AWAT2: variants seen among roughly 807,000 people sequenced by gnomAD.
The protein encoded by AWAT2 is acyl-CoA wax alcohol acyltransferase 2, also known as 11-cis-RE-synthase.
In AWAT2, 9 loss-of-function variants were observed where a neutral mutation model predicts 22.3. The ratio of observed to expected loss-of-function variants is 0.40; its 90% CI spans 0.24 to 0.70. The LOEUF is 0.70. Ranked by LOEUF, AWAT2 falls within the 30% of genes least tolerant of loss-of-function variation. The pLI is 0.36. For missense variants in AWAT2, 217 were observed against 265.9 expected (o/e 0.82, Z 1.28); for synonymous variants, 100 against 93.4 (o/e 1.07, Z -0.40).
Position 70,043,668 on chromosome X carries a change from A to G in AWAT2, c.282T>C (p.His94=), listed in dbSNP as rs2020345060. 3 of 1,206,478 alleles carry G rather than the reference A, an allele frequency of 2.5e-6. No homozygotes were observed. Among genetic ancestry groups the G allele is most frequent in the Non-Finnish European group, 3.4e-6 (3 of 892,630 alleles). ...DYFPLKLLKT[H]DICPSRNYIL... ...TGTAGTTGCGGCTGGGGCAGATGTCATGAGTCTTCAGAAGCTGCGGAAGAA... is the reference window on the plus strand; with the variant it reads ...TGTAGTTGCGGCTGGGGCAGATGTCGTGAGTCTTCAGAAGCTGCGGAAGAA... Residue 94 remains histidine, a synonymous_variant, in exon 4 of 8, where the codon CAT becomes CAC. Transcript: ENST00000276101.
chrX:70,045,341 T>C (rs181410227), intron 1 of AWAT2, among the ~76,000 whole-genome samples: 45 of 111,841 alleles, frequency 4.0e-4, no homozygotes, highest in African/African-American at 1.3e-3. Flanking sequence ...GGAAAGCAGA[T>C]GGAAGAGTGG....
chrX:70,042,362 G>A lies in AWAT2; in HGVS notation c.672C>T (p.Ala224=), dbSNP rs1360273811. ...GATCATAGAGGTCCGTCTCCCCAAAGGCATAGGCAGGTATTAGAGGCACCC... is the reference window on the plus strand; with the variant it reads ...GATCATAGAGGTCCGTCTCCCCAAAAGCATAGGCAGGTATTAGAGGCACCC... ...QHGVPLIPAY[A]FGETDLYDQH... is the part of the protein sequence containing the mutation. Residue 224 remains alanine (A), a synonymous_variant, in exon 6 of 8, where the codon GCC becomes GCT. Coordinates refer to ENST00000276101, the MANE Select transcript of AWAT2 (RefSeq NM_001002254.1). 8.3e-7 allele frequency: 1 copy of A among 1,210,369 alleles called. No homozygotes were observed. The highest frequency in any genetic ancestry group is 1.1e-6 in the Non-Finnish European group (1 of 895,143).
intron 1 of AWAT2, among the ~76,000 whole-genome samples, chrX:70,048,807 G>A: frequency 9.0e-6 from 1 of 111,428 alleles, no homozygotes; most frequent in Non-Finnish European, 1.9e-5. Context: ...ATTTTGCAGC[G>A]ACACAATTTG....
At chrX:70,049,820 G>T (rs750811516) in intron 1 of AWAT2, 28 bp downstream of exon 1, 4 of 1,207,416 alleles carry the variant, frequency 3.3e-6, no homozygotes, top group Non-Finnish European at 4.5e-6. Flanking sequence ...AGGATGGTTG[G>T]TCACCCTACC....
chrX:70,044,045 C>A, intron 2 of AWAT2, 49 bp from the exon 3 acceptor site: 1 of 1,133,625 alleles, frequency 8.8e-7, no homozygotes, highest in Non-Finnish European at 1.2e-6. Context: ...CCACTGTGGG[C>A]CTGCCCCAGG....
In AWAT2 at chrX:70,049,927, G is replaced by A; in HGVS notation, c.6C>T (p.Leu2=). The change falls in exon 1 of 8, where the codon CTC becomes CTT. Residue 2 remains leucine, a synonymous_variant. Coordinates refer to ENST00000276101, the MANE Select transcript of AWAT2 (RefSeq NM_001002254.1). ...TCTTGAGGTCCTTCTTAGAGGGCAA[G>A]AGCATTGTGCCCAGCGTCCCAGTGG... M[L]LPSKKDLKTA... 2 of 1,211,346 alleles carry A rather than the reference G, an allele frequency of 1.7e-6. No homozygotes were observed. Among genetic ancestry groups the A allele is most frequent in the South Asian group, 1.8e-5 (1 of 56,762 alleles).
At chrX:70,046,914 T>C (rs2020365546) in intron 1 of AWAT2, among the ~76,000 whole-genome samples, 1 of 112,138 alleles carries the variant, frequency 8.9e-6, no homozygotes, top group Admixed American at 9.5e-5. Context: ...TTAATCCTTA[T>C]GTTAAGTAGA....
At chrX:70,049,535 A>G (rs1180754238) in intron 1 of AWAT2, among the ~76,000 whole-genome samples, 1 of 111,142 alleles carries the variant, frequency 9.0e-6, no homozygotes, top group Non-Finnish European at 1.9e-5. Context: ...TCATCTTCCC[A>G]AAGAATGCCC....
intron 5 of AWAT2, 30 bp from the exon 6 acceptor site, chrX:70,042,416 C>A: frequency 8.4e-7 from 1 of 1,185,514 alleles, no homozygotes; most frequent in Non-Finnish European, 1.1e-6. Context: ...CTTCTGAAGC[C>A]CAGAAAGGTA....
chrX:70,042,613 G>T (rs2020335596), intron 5 of AWAT2: 1 of 453,742 alleles, frequency 2.2e-6, no homozygotes, highest in Non-Finnish European at 3.9e-6. Context: ...AGACCCTCCT[G>T]GGAACCCCTG....
At chrX:70,044,809 G>A (rs1311312680) in intron 1 of AWAT2, among the ~76,000 whole-genome samples, 1 of 112,614 alleles carries the variant, frequency 8.9e-6, no homozygotes, top group Non-Finnish European at 1.9e-5. Flanking sequence ...GGCCACCAGA[G>A]GTGGGGAATC....
intron 1 of AWAT2, 89 bp from the exon 2 acceptor site, chrX:70,044,551 G>A (rs1238714736): frequency 3.5e-6 from 4 of 1,129,012 alleles, no homozygotes; most frequent in East Asian, 3.3e-5. Context: ...CCAAGGTCAC[G>A]TGCACTCTCT....
intron 1 of AWAT2, among the ~76,000 whole-genome samples, chrX:70,048,880 G>T (rs1295991930): frequency 8.9e-6 from 1 of 111,815 alleles, no homozygotes; most frequent in Non-Finnish European, 1.9e-5. Flanking sequence ...ACCAACCTAT[G>T]TTGGACATTC....
rs777384050 is a variant in AWAT2 at position 70,043,911 on chromosome X, C to T, written c.267+15G>A. On this transcript the variant is annotated intron_variant, in intron 3 of 7. Coordinates refer to ENST00000276101, the MANE Select transcript of AWAT2 (RefSeq NM_001002254.1). ...GGCTGGACCTGGGCCTGAGTGGGGA[C>T]CTGGGGCTACTGACCTTGAGAGGGA... The T allele has an allele frequency of 8.4e-7, 1 of 1,196,248 alleles. No homozygotes were observed. Among genetic ancestry groups the T allele is most frequent in the Admixed American group, 2.2e-5 (1 of 44,466 alleles).
intron 1 of AWAT2, among the ~76,000 whole-genome samples, chrX:70,048,095 C>T (rs1264026197): frequency 9.3e-6 from 1 of 108,024 alleles, no homozygotes. Context: ...TTCTCTGCAT[C>T]ACCATCACTA....
intron 1 of AWAT2, 145 bp downstream of exon 1, chrX:70,049,703 G>A: frequency 1.5e-6 from 1 of 658,925 alleles, no homozygotes; most frequent in South Asian, 2.7e-5. Flanking sequence ...GGCCAGGTGG[G>A]TCAGGCCAGA....
chrX:70,043,820 C>T (rs2020346081), intron 3 of AWAT2, 106 bp downstream of exon 3: 2 of 1,008,796 alleles, frequency 2.0e-6, no homozygotes. Flanking sequence ...GCGTCATTCT[C>T]AAGAGGCTCA....
intron 1 of AWAT2, among the ~76,000 whole-genome samples, chrX:70,045,048 GA>G (rs1293910570): frequency 8.9e-6 from 1 of 112,466 alleles, no homozygotes; most frequent in African/African-American, 3.2e-5. Flanking sequence ...AGTTACTAGA[GA>G]TGAGTCATAG....
intron 5 of AWAT2, 131 bp downstream of exon 5, chrX:70,042,938 C>G (rs2147526108): frequency 3.9e-6 from 2 of 512,741 alleles, no homozygotes; most frequent in South Asian, 1.3e-4. Context: ...TTCTGATGAC[C>G]ATAGTTCGTA....
Sources: gnomAD v4.1 joint callset for allele counts (sites outside exome capture counted in the v4.1 genomes callset) on GRCh38, gnomAD v4.1.1 for gene constraint, MANE v1.5 for transcripts, NCBI Gene and HGNC (gene_info 2026-07-23, HGNC 2026-07-21) for gene names.